Variants in CHST11 observed in about 807,000 individuals in gnomAD.
The protein encoded by CHST11 is C4S-1.
Under a neutral mutation model 30.4 loss-of-function variants are expected in CHST11, and 9 were observed. The ratio of observed to expected loss-of-function variants is 0.30; its 90% CI spans 0.18 to 0.52. The LOEUF (loss-of-function observed/expected upper bound fraction) is 0.52, where lower values mean the gene tolerates loss of function less well. Ranked by LOEUF, CHST11 falls within the 20% of genes least tolerant of loss-of-function variation. CHST11 has a pLI of 0.97. For synonymous variants in CHST11, 152 were observed against 187.8 expected, an observed-to-expected ratio of 0.81 and a Z score of 1.56; for missense variants, 348 against 460.6, an observed-to-expected ratio of 0.76 and a Z score of 2.24.
intron 2 of CHST11, among the ~76,000 whole-genome samples, chr12:104,673,097 G>C (rs562590869): frequency 6.6e-6 from 1 of 152,234 alleles, no homozygotes; most frequent in African/African-American, 2.4e-5. Flanking sequence ...CCATCTCTCT[G>C]CTCCATGTAC....
chr12:104,674,104 G>A (rs2039719695), intron 2 of CHST11, among the ~76,000 whole-genome samples: 1 of 152,168 alleles, frequency 6.6e-6, no homozygotes. Context: ...TTCAGACTGC[G>A]GTCCCAGAGC....
intron 2 of CHST11, among the ~76,000 whole-genome samples, chr12:104,702,141 G>T (rs537348044): frequency 5.3e-5 from 8 of 152,056 alleles, no homozygotes; most frequent in Non-Finnish European, 1.2e-4. Flanking sequence ...TCTACCCCAG[G>T]TAACTCATGA....
Position 104,574,868 on chromosome 12 carries a change from G to GA in CHST11, c.119-27031dup, listed in dbSNP as rs1402108401. On this transcript the variant is annotated intron_variant, in intron 1 of 2. Transcript: ENST00000303694. ...AACTTAAAGTATAATTAAAAAAAAAGAAAAAAAGAAAGAAAAAGGAACTAT... is the reference window on the plus strand; with the variant it reads ...AACTTAAAGTATAATTAAAAAAAAAGAAAAAAAAGAAAGAAAAAGGAACTAT... Among the ~76,000 whole-genome samples, 692 of 143,764 alleles carry GA rather than the reference G, an allele frequency of 4.8e-3. 9 individuals are homozygous for GA. The highest frequency in any genetic ancestry group is 0.015 in the African/African-American group (581 of 38,454). 94.3% of individuals were successfully genotyped at this position (143,764 alleles called of 152,430 possible).
Position 104,492,407 on chromosome 12 carries a change from C to T in CHST11, c.118+34878C>T, listed in dbSNP as rs371662788. On this transcript the variant is annotated intron_variant, in intron 1 of 2. Coordinates refer to ENST00000303694, the MANE Select transcript of CHST11 (RefSeq NM_018413.6). ...TGTATCACTCTCTGAAAATTAGCTT[C>T]TTTCTTCTTTTTCCTTGTTATCATC... is the stretch of plus-strand genomic sequence containing the variant. 2.0e-5 allele frequency among the ~76,000 whole-genome samples: 3 copies of T among 152,150 alleles called. No homozygotes were observed. In the East Asian group the frequency reaches 5.8e-4, roughly 29 times the overall value.
chr12:104,569,821 A>G (rs1469774188), intron 1 of CHST11, among the ~76,000 whole-genome samples: 2 of 152,116 alleles, frequency 1.3e-5, no homozygotes, highest in African/African-American at 4.8e-5. Flanking sequence ...GGAGTCCCCA[A>G]CCCTGGGCTT....
chr12:104,566,986 C>T lies in CHST11; in HGVS notation c.119-34920C>T, dbSNP rs565498254. Reference sequence around the variant, plus strand: ...GTGAATGAATATAAATATATATACACACACATGTATATGTAAATTTTATGT... The same window carrying T: ...GTGAATGAATATAAATATATATACATACACATGTATATGTAAATTTTATGT... On this transcript the variant is annotated intron_variant, in intron 1 of 2. Coordinates refer to ENST00000303694, the MANE Select transcript of CHST11 (RefSeq NM_018413.6). 2.4e-4 allele frequency among the ~76,000 whole-genome samples: 36 copies of T among 152,200 alleles called. No homozygotes were observed. In the South Asian group the frequency reaches 5.0e-3, roughly 21 times the overall value.
intron 2 of CHST11, among the ~76,000 whole-genome samples, chr12:104,613,297 A>G (rs1422726908): frequency 1.3e-5 from 2 of 152,188 alleles, no homozygotes; most frequent in Non-Finnish European, 2.9e-5. Flanking sequence ...ATAGATATAG[A>G]TATATAGATA....
chr12:104,485,537 T>C, intron 1 of CHST11, among the ~76,000 whole-genome samples: 1 of 151,956 alleles, frequency 6.6e-6, no homozygotes, highest in Non-Finnish European at 1.5e-5. Context: ...GAGGGTGAAC[T>C]GGCCATCTGA....
intron 1 of CHST11, among the ~76,000 whole-genome samples, chr12:104,501,260 T>C (rs527455843): frequency 6.7e-6 from 1 of 149,660 alleles, no homozygotes; most frequent in East Asian, 1.9e-4. Flanking sequence ...TGCCTTTGAC[T>C]GTACAACCTG....
intron 1 of CHST11, among the ~76,000 whole-genome samples, chr12:104,533,736 G>T (rs750372564): frequency 1.3e-5 from 2 of 152,210 alleles, no homozygotes; most frequent in Non-Finnish European, 2.9e-5. Flanking sequence ...ACTTGTCGGG[G>T]ACAGTGGAAA....
intron 2 of CHST11, among the ~76,000 whole-genome samples, chr12:104,665,190 G>C (rs532134186): frequency 6.6e-6 from 1 of 152,314 alleles, no homozygotes; most frequent in East Asian, 1.9e-4. Flanking sequence ...TCTGAGATCT[G>C]ATTCTACCCC....
chr12:104,666,673 A>C (rs1323150361), intron 2 of CHST11, among the ~76,000 whole-genome samples: 9 of 152,246 alleles, frequency 5.9e-5, no homozygotes, highest in Non-Finnish European at 1.3e-4. Context: ...TCTGAAATAC[A>C]GTGGATGGCC....
intron 1 of CHST11, among the ~76,000 whole-genome samples, chr12:104,477,514 T>C (rs192905895): frequency 2.2e-3 from 328 of 152,294 alleles, no homozygotes; most frequent in African/African-American, 7.5e-3. Context: ...ATCCCCAATA[T>C]GAGGCTCTTA....
chr12:104,608,975 G>A (rs950344114), intron 2 of CHST11, among the ~76,000 whole-genome samples: 3 of 152,206 alleles, frequency 2.0e-5, no homozygotes, highest in African/African-American at 7.2e-5. Flanking sequence ...GGAAAACTCA[G>A]ACTTGCTCCA....
At chr12:104,692,890 A>AT (rs2039910154) in intron 2 of CHST11, among the ~76,000 whole-genome samples, 1 of 149,784 alleles carries the variant, frequency 6.7e-6, no homozygotes, top group Admixed American at 6.7e-5. Flanking sequence ...AAAAAAAAAA[A>AT]CAAAAAAAAA....
rs1257580430 is a variant in CHST11 at position 104,761,663 on chromosome 12, CCTT to C, written c.*3863_*3865del. ...AGTTAGAACCCTACAGGCAACAAGGCCTTCTAGAATCCGCTTAACCCTTGGCTG... is the reference window on the plus strand; with the variant it reads ...AGTTAGAACCCTACAGGCAACAAGGCCTAGAATCCGCTTAACCCTTGGCTG... On this transcript the variant is annotated 3_prime_UTR_variant, in exon 3 of 3. Coordinates refer to ENST00000303694, the MANE Select transcript of CHST11 (RefSeq NM_018413.6). 1 of 152,276 alleles carries C rather than the reference CCTT, an allele frequency of 6.6e-6. No individual in the cohort carries two copies. The highest frequency in any genetic ancestry group is 2.4e-5 in the African/African-American group (1 of 41,450). The allele number at this position is 152,276 out of a possible 1,614,324, so 9.4% of individuals were successfully genotyped here. A position where few individuals can be genotyped will look rare whatever the true frequency, so the allele number is the denominator to read the frequency against.
At chr12:104,582,369 C>T (rs2038754513) in intron 1 of CHST11, among the ~76,000 whole-genome samples, 1 of 152,086 alleles carries the variant, frequency 6.6e-6, no homozygotes, top group Non-Finnish European at 1.5e-5. Flanking sequence ...ATGAAATCAG[C>T]GTTGGGGTAG....
intron 2 of CHST11, among the ~76,000 whole-genome samples, chr12:104,705,064 G>A (rs2040021149): frequency 6.6e-6 from 1 of 152,108 alleles, no homozygotes; most frequent in African/African-American, 2.4e-5. Context: ...AGAGAGGATG[G>A]GCCAGCTGTT....
Position 104,532,502 on chromosome 12 carries a change from G to A in CHST11, c.119-69404G>A, listed in dbSNP as rs544151333. Among the ~76,000 whole-genome samples the A allele has an allele frequency of 2.6e-5, 4 of 152,342 alleles. No homozygotes were observed. The South Asian group carries it at 6.2e-4, about 24-fold the overall frequency. ...TCCGATGCAGAGGTACATAGGGCAA[G>A]GTGCGGGAGGGGTGCAGAGCGTCCA... is the stretch of plus-strand genomic sequence containing the variant. On this transcript the variant is annotated intron_variant, in intron 1 of 2. Coordinates refer to ENST00000303694, the MANE Select transcript of CHST11 (RefSeq NM_018413.6).
Sources: gnomAD v4.1 joint callset for allele counts (sites outside exome capture counted in the v4.1 genomes callset) on GRCh38, gnomAD v4.1.1 for gene constraint, MANE v1.5 for transcripts, NCBI Gene and HGNC (gene_info 2026-07-23, HGNC 2026-07-21) for gene names.